The following DDX20 variants were observed in gnomAD, a reference collection of about 807,000 sequenced individuals.
The protein encoded by DDX20 is DEAD-box helicase 20.
DDX20 carries 61 observed loss-of-function variants against 76.4 expected under a neutral mutation model. The ratio of observed to expected loss-of-function variants is 0.80; its 90% CI spans 0.65 to 0.99. DDX20 has a LOEUF of 0.99. Ranked by LOEUF, DDX20 falls within the 50% of genes least tolerant of loss-of-function variation. The pLI is 0.00. For synonymous variants in DDX20, 357 were observed against 357.4 expected (o/e 1.00, Z 0.01); for missense variants, 976 against 996.8 (o/e 0.98, Z 0.28).
rs143443770 is a variant in DDX20 at position 111,762,703 on chromosome 1, G to A, written c.1131G>A (p.Lys377=). ...CTTCTCGTGGGATTGATGCTGAGAA[G>A]GTGAATCTGGTTGTAAATCTGGATG... The part of the protein sequence containing the change: ...DLTSRGIDAE[K]VNLVVNLDVP... The change falls in exon 9 of 11, where the codon AAG becomes AAA. Residue 377 remains lysine, a synonymous_variant. Transcript: ENST00000369702. The A allele has an allele frequency of 6.2e-7, 1 of 1,613,818 alleles. No individual in the cohort carries two copies. The highest frequency in any genetic ancestry group is 1.1e-5 in the South Asian group (1 of 91,072).
intron 1 of DDX20, 149 bp from the exon 2 acceptor site, chr1:111,756,497 G>C: frequency 1.4e-6 from 1 of 706,558 alleles, no homozygotes; most frequent in South Asian, 1.8e-5. Flanking sequence ...GGGACTAGGC[G>C]TGTTCTCATA....
At chr1:111,761,744 A>C (rs1217914870) in intron 7 of DDX20, 1 of 154,820 alleles carries the variant, frequency 6.5e-6, no homozygotes, top group African/African-American at 2.4e-5. Context: ...TGGCATAATA[A>C]GAATGAAAGA....
chr1:111,761,169 A>T (rs17569368), intron 6 of DDX20, 44 bp downstream of exon 6: 62,465 of 1,611,488 alleles, frequency 0.039, 1,458 homozygotes, highest in Admixed American at 0.09. Flanking sequence ...GTGAAATAAA[A>T]GGATAGTCAT....
At chr1:111,762,576 C>G in intron 8 of DDX20, 101 bp from the exon 9 acceptor site, 2 of 1,081,066 alleles carry the variant, frequency 1.9e-6, no homozygotes, top group Admixed American at 4.4e-5. Flanking sequence ...GTATTCAGTT[C>G]TTAATTTGTC....
intron 10 of DDX20, among the ~76,000 whole-genome samples, chr1:111,763,698 G>C (rs1663720594): frequency 6.6e-6 from 1 of 152,154 alleles, no homozygotes; most frequent in Non-Finnish European, 1.5e-5. Context: ...TGTTGTGAAG[G>C]TAATTCTTGC....
chr1:111,758,269 T>C (rs1224150628), intron 2 of DDX20, among the ~76,000 whole-genome samples: 1 of 152,018 alleles, frequency 6.6e-6, no homozygotes, highest in East Asian at 1.9e-4. Context: ...TCAGAAAAAT[T>C]AGGACGTACC....
chr1:111,762,832 A>T, intron 9 of DDX20, 50 bp downstream of exon 9: 1 of 1,510,168 alleles, frequency 6.6e-7, no homozygotes, highest in Non-Finnish European at 9.1e-7. Context: ...GGAGGGATCT[A>T]TAATGTGACA....
In DDX20 at chr1:111,766,704, G is replaced by A; in HGVS notation, c.2280G>A (p.Arg760=). ...AQEDDWYDCH[R]EIRLSFSDTY... Reference sequence around the variant, plus strand: ...AAGATGATTGGTATGACTGTCATAGGGAAATACGTCTGAGTTTTTCTGATA... The same window carrying A: ...AAGATGATTGGTATGACTGTCATAGAGAAATACGTCTGAGTTTTTCTGATA... Residue 760 remains arginine, a synonymous_variant, in exon 11 of 11, where the codon AGG becomes AGA. Coordinates refer to ENST00000369702, the MANE Select transcript of DDX20 (RefSeq NM_007204.5). The A allele has an allele frequency of 6.2e-7, 1 of 1,614,106 alleles. No homozygotes were observed. Among genetic ancestry groups the A allele is most frequent in the Non-Finnish European group, 8.5e-7 (1 of 1,179,980 alleles).
chr1:111,766,913 C>T lies in DDX20; in HGVS notation c.*14C>T, dbSNP rs1057438396. On this transcript the variant is annotated 3_prime_UTR_variant, in exon 11 of 11. Coordinates refer to ENST00000369702, the MANE Select transcript of DDX20 (RefSeq NM_007204.5). ...AGTAACCAGTGATTATAGGATATAC[C>T]TGAGACCATCAGGAACTGTCAACAA... The T allele has an allele frequency of 2.5e-6, 4 of 1,579,300 alleles. No individual in the cohort carries two copies. The highest frequency in any genetic ancestry group is 1.3e-5 in the African/African-American group (1 of 74,234).
intron 8 of DDX20, 84 bp from the exon 9 acceptor site, chr1:111,762,593 C>A: frequency 1.7e-6 from 2 of 1,204,070 alleles, no homozygotes; most frequent in Non-Finnish European, 2.4e-6. Flanking sequence ...TGTCTCTTGA[C>A]TGTACTGGAA....
At chr1:111,757,976 T>G (rs944927275) in intron 2 of DDX20, among the ~76,000 whole-genome samples, 2 of 152,122 alleles carry the variant, frequency 1.3e-5, no homozygotes, top group Admixed American at 1.3e-4. Flanking sequence ...TGCCTCAGCC[T>G]CCCGAGTAGC....
rs1469241052 is a variant in DDX20, at chr1:111,765,899, A to T, written c.1475A>T (p.His492Leu). Residue 492 changes from histidine (H) to leucine (L), a missense_variant, in exon 11 of 11, where the codon CAC becomes CTC. His to Leu is a moderately conservative substitution (Grantham distance 99, BLOSUM62 -3). Around this residue, in one of 3 missense-constraint regions of DDX20, gnomAD observed 630 missense variants for 693.7 expected, o/e 0.91. Coordinates refer to ENST00000369702, the MANE Select transcript of DDX20 (RefSeq NM_007204.5). ...TLQIQKAHGD[H>L]MASSRNNSVS... ...CAAATTCAGAAAGCTCATGGTGACC[A>T]CATGGCTTCCTCTAGAAATAATTCT... The T allele has an allele frequency of 6.2e-7, 1 of 1,613,944 alleles. No homozygotes were observed. The highest frequency in any genetic ancestry group is 1.3e-5 in the African/African-American group (1 of 74,918).
intron 8 of DDX20, 82 bp from the exon 9 acceptor site, chr1:111,762,595 G>T: frequency 8.2e-7 from 1 of 1,226,796 alleles, no homozygotes; most frequent in Non-Finnish European, 1.2e-6. Flanking sequence ...TCTCTTGACT[G>T]TACTGGAAGA....
rs181968690 is a variant in DDX20, at chr1:111,766,084, G to C, written c.1660G>C (p.Val554Leu). The change falls in exon 11 of 11, where the codon GTT becomes CTT. Residue 554 changes from valine (V) to leucine (L), a missense_variant. By Grantham distance (32) the Val-to-Leu change is conservative. This residue lies in a region of DDX20 where 630 missense variants were observed against 693.7 expected (regional missense o/e 0.91). Coordinates refer to ENST00000369702, the MANE Select transcript of DDX20 (RefSeq NM_007204.5). ...EQMKNSVQTP[V>L]ENSTNSQHQV... ...AATGAAGAATTCTGTTCAGACTCCC[G>C]TTGAAAACTCCACCAACAGTCAGCA... 1 of 1,614,162 alleles carries C rather than the reference G, an allele frequency of 6.2e-7. No homozygotes were observed. Among genetic ancestry groups the C allele is most frequent in the South Asian group, 1.1e-5 (1 of 91,078 alleles).
chr1:111,759,202 C>T (rs1663621923), intron 2 of DDX20, among the ~76,000 whole-genome samples, 198 bp from the exon 3 acceptor site: 1 of 152,206 alleles, frequency 6.6e-6, no homozygotes, highest in Non-Finnish European at 1.5e-5. Flanking sequence ...ACTTGAGCAT[C>T]TGCCAGTTTT....
At position 111,760,501 on chromosome 1, in the gene DDX20, A is replaced by T. The variant is rs753022761; in HGVS notation, c.593A>T (p.Asp198Val). 1 of 1,604,170 alleles carries T rather than the reference A, an allele frequency of 6.2e-7. No individual in the cohort carries two copies. Among genetic ancestry groups the T allele is most frequent in the Non-Finnish European group, 8.5e-7 (1 of 1,177,510 alleles). ...PGRIKQLIELDYLNPGSIRLF... is the reference protein window; with the variant it reads ...PGRIKQLIELVYLNPGSIRLF... Reference sequence around the variant, plus strand: ...AGAATTAAGCAACTCATAGAACTTGACTACTTGAACCCAGGCAGTATACGC... The same window carrying T: ...AGAATTAAGCAACTCATAGAACTTGTCTACTTGAACCCAGGCAGTATACGC... The change falls in exon 4 of 11, where the codon GAC becomes GTC. Residue 198 changes from aspartate to valine, a missense_variant. Asp to Val is a radical substitution (Grantham distance 152, BLOSUM62 -3). Coordinates refer to ENST00000369702, the MANE Select transcript of DDX20 (RefSeq NM_007204.5).
At chr1:111,764,771 T>C (rs1051025779) in intron 10 of DDX20, among the ~76,000 whole-genome samples, 32 of 152,326 alleles carry the variant, frequency 2.1e-4, no homozygotes, top group African/African-American at 7.0e-4. Flanking sequence ...GAAAATGATA[T>C]TCATGCTGTT....
In DDX20 at chr1:111,756,160, CG is replaced by C. The variant is rs775104444; in HGVS notation, c.238del (p.Ala80ProfsTer23). ...LSRPVLEGLR[A>X]AGFERPSPVQ... Reference sequence around the variant, plus strand: ...CGGCCGGTGCTGGAGGGGCTGCGGGCGGCCGGCTTCGAGAGGCCCTCGCCGG... The same window carrying C: ...CGGCCGGTGCTGGAGGGGCTGCGGGCGCCGGCTTCGAGAGGCCCTCGCCGG... On this transcript the variant is annotated frameshift_variant, in exon 1 of 11. Transcript: ENST00000369702. LOFTEE classifies it high-confidence loss of function. 4 of 1,550,984 alleles carry C rather than the reference CG, an allele frequency of 2.6e-6. No homozygotes were observed. Among genetic ancestry groups the C allele is most frequent in the Non-Finnish European group, 3.5e-6 (4 of 1,156,300 alleles).
intron 2 of DDX20, among the ~76,000 whole-genome samples, chr1:111,759,164 T>C (rs1339542489): frequency 2.0e-5 from 3 of 152,224 alleles, no homozygotes; most frequent in Non-Finnish European, 2.9e-5. Flanking sequence ...ACAGGTAATA[T>C]ACAGATATAT....
Sources: gnomAD v4.1 joint callset for allele counts (sites outside exome capture counted in the v4.1 genomes callset) on GRCh38, gnomAD v4.1.1 for gene constraint, gnomAD v4.1.1 regional missense constraint, MANE v1.5 for transcripts, NCBI Gene and HGNC (gene_info 2026-07-23, HGNC 2026-07-21) for gene names.